The following SUGCT variants were observed in gnomAD, a reference collection of about 807,000 sequenced individuals.
SUGCT encodes the protein succinyl-CoA:glutarate CoA-transferase.
In SUGCT, 41 loss-of-function variants were observed where a neutral mutation model predicts 55.0. The ratio of observed to expected loss-of-function variants is 0.74; its 90% CI spans 0.58 to 0.97. SUGCT has a LOEUF of 0.97. Among genes scored for constraint, SUGCT ranks in the 50% least tolerant of loss-of-function variants. SUGCT has a pLI of 0.00. For synonymous variants in SUGCT, 187 were observed against 200.4 expected, an observed-to-expected ratio of 0.93 and a Z score of 0.56; for missense variants, 568 against 547.8, an observed-to-expected ratio of 1.04 and a Z score of -0.37.
At chr7:40,491,133 G>A (rs73689804) in intron 11 of SUGCT, among the ~76,000 whole-genome samples, 8,202 of 152,214 alleles carry the variant, frequency 0.054, 369 homozygotes, top group African/African-American at 0.11. Flanking sequence ...TGTGTAAATG[G>A]CAGTCAAGTA....
chr7:40,941,536 A>C, the SUGCT span, among the ~76,000 whole-genome samples: 1 of 152,116 alleles, frequency 6.6e-6, no homozygotes, highest in Non-Finnish European at 1.5e-5. Flanking sequence ...AAGAATGTAT[A>C]TTCTGCAGTT....
At chr7:40,830,589 A>G (rs1792609177) in intron 13 of SUGCT, among the ~76,000 whole-genome samples, 2 of 152,112 alleles carry the variant, frequency 1.3e-5, no homozygotes, top group Non-Finnish European at 2.9e-5. Context: ...AACTTCCCTG[A>G]TCACTCCATC....
chr7:40,640,226 A>G (rs1192314444), intron 12 of SUGCT, among the ~76,000 whole-genome samples: 1 of 152,210 alleles, frequency 6.6e-6, no homozygotes, highest in Non-Finnish European at 1.5e-5. Flanking sequence ...AAATATTTAC[A>G]CATGGCTTCC....
chr7:40,393,093 G>A (rs576235526), intron 9 of SUGCT, among the ~76,000 whole-genome samples: 1 of 152,292 alleles, frequency 6.6e-6, no homozygotes, highest in Admixed American at 6.5e-5. Flanking sequence ...GGTGGAAACA[G>A]TTGAGGAATT....
At chr7:40,465,847 C>T (rs930681854) in intron 11 of SUGCT, among the ~76,000 whole-genome samples, 4 of 151,954 alleles carry the variant, frequency 2.6e-5, no homozygotes, top group Non-Finnish European at 4.4e-5. Flanking sequence ...CTGGCTAGGT[C>T]TTTCTGGGGC....
chr7:40,268,741 C>T (rs1379963450), intron 7 of SUGCT, among the ~76,000 whole-genome samples: 1 of 152,008 alleles, frequency 6.6e-6, no homozygotes, highest in Non-Finnish European at 1.5e-5. Flanking sequence ...CTTCTGCCTC[C>T]CGGGTTCAAG....
chr7:40,242,637 C>T (rs1181930185), intron 7 of SUGCT, among the ~76,000 whole-genome samples: 2 of 151,604 alleles, frequency 1.3e-5, no homozygotes, highest in African/African-American at 2.4e-5. Flanking sequence ...GTATTTGCAC[C>T]TTGCTTCTGC....
intron 12 of SUGCT, among the ~76,000 whole-genome samples, chr7:40,694,966 G>C (rs972982561): frequency 6.6e-6 from 1 of 152,086 alleles, no homozygotes; most frequent in Non-Finnish European, 1.5e-5. Flanking sequence ...GGCTTGAAGA[G>C]CAGACACATT....
At chr7:40,973,175 T>C in the SUGCT span, among the ~76,000 whole-genome samples, 27 of 152,228 alleles carry the variant, frequency 1.8e-4, no homozygotes, top group Non-Finnish European at 7.3e-5. Flanking sequence ...AGGTCAAGTC[T>C]CTTCCTACCC....
At chr7:40,248,884 G>GCACACACA (rs1315255424) in intron 7 of SUGCT, among the ~76,000 whole-genome samples, 1 of 139,834 alleles carries the variant, frequency 7.2e-6, no homozygotes, top group African/African-American at 2.7e-5. Flanking sequence ...GCGCGCGCGC[G>GCACACACA]CTCGCACACA....
chr7:40,966,064 T>G, the SUGCT span: 1 of 152,254 alleles, frequency 6.6e-6, no homozygotes, highest in Non-Finnish European at 1.5e-5. Context: ...TAGGACTGCA[T>G]AGGCCATCAC....
intron 9 of SUGCT, among the ~76,000 whole-genome samples, chr7:40,358,486 G>A (rs1797984517): frequency 1.3e-5 from 2 of 152,188 alleles, no homozygotes; most frequent in Admixed American, 6.5e-5. Context: ...GCCGAGATGA[G>A]TGGATCACCT....
chr7:40,626,964 G>A (rs180712862), intron 12 of SUGCT, among the ~76,000 whole-genome samples: 1 of 152,294 alleles, frequency 6.6e-6, no homozygotes, highest in East Asian at 1.9e-4. Context: ...GCAAGTTGAA[G>A]GAAGGCAATA....
chr7:40,380,891 C>G (rs2151281229), intron 9 of SUGCT, among the ~76,000 whole-genome samples: 2 of 152,180 alleles, frequency 1.3e-5, no homozygotes, highest in African/African-American at 4.8e-5. Flanking sequence ...TTTTTGAAAT[C>G]ATACAGGATT....
At chr7:40,635,879 G>T (rs1800001684) in intron 12 of SUGCT, among the ~76,000 whole-genome samples, 1 of 152,114 alleles carries the variant, frequency 6.6e-6, no homozygotes, top group African/African-American at 2.4e-5. Flanking sequence ...CTTAACTTTG[G>T]ATTTAAGTTA....
At chr7:40,371,484 A>G (rs1218353444) in intron 9 of SUGCT, among the ~76,000 whole-genome samples, 1 of 152,174 alleles carries the variant, frequency 6.6e-6, no homozygotes, top group Non-Finnish European at 1.5e-5. Flanking sequence ...AAGGCAACAC[A>G]TGCTTTTTTG....
intron 12 of SUGCT, among the ~76,000 whole-genome samples, chr7:40,585,658 G>A (rs1797336029): frequency 6.6e-6 from 1 of 152,094 alleles, no homozygotes; most frequent in Non-Finnish European, 1.5e-5. Flanking sequence ...TCAGGCGTGA[G>A]CCACCACACA....
the SUGCT span, among the ~76,000 whole-genome samples, chr7:40,942,770 T>G: frequency 6.6e-6 from 1 of 151,892 alleles, no homozygotes; most frequent in African/African-American, 2.4e-5. Context: ...TCTCTGTCTT[T>G]TTTTTTTGTC....
At chr7:40,296,986 A>G (rs1484943267) in intron 8 of SUGCT, among the ~76,000 whole-genome samples, 4 of 152,194 alleles carry the variant, frequency 2.6e-5, no homozygotes, top group African/African-American at 7.2e-5. Flanking sequence ...CTAAATGGGA[A>G]TAATAATAGT....
Sources: allele counts gnomAD v4.1 joint callset (sites outside exome capture counted in the v4.1 genomes callset), GRCh38; gene constraint gnomAD v4.1.1; transcripts MANE v1.5; gene names NCBI Gene and HGNC (gene_info 2026-07-23, HGNC 2026-07-21).